Variants in SEZ6L observed in about 807,000 individuals in gnomAD.
SEZ6L encodes the protein seizure related 6 homolog like.
SEZ6L carries 37 observed loss-of-function variants against 106.2 expected under a neutral mutation model. That is an observed-to-expected ratio of 0.35 (90% CI 0.27 to 0.46). The LOEUF (loss-of-function observed/expected upper bound fraction) is 0.46, where lower values mean the gene tolerates loss of function less well. SEZ6L is among the 20% of genes least tolerant of loss of function. The pLI, the probability that SEZ6L is intolerant of heterozygous loss-of-function variation, is 1.00. For synonymous variants in SEZ6L, 541 were observed against 570.4 expected (o/e 0.95, Z 0.73); for missense variants, 1,172 against 1,332.8 (o/e 0.88, Z 1.88).
chr22:26,305,762 C>T (rs2081609154), intron 5 of SEZ6L, among the ~76,000 whole-genome samples: 1 of 152,234 alleles, frequency 6.6e-6, no homozygotes, highest in Non-Finnish European at 1.5e-5. Flanking sequence ...ACAGGATTCC[C>T]TCCCAGGAGA....
intron 1 of SEZ6L, among the ~76,000 whole-genome samples, chr22:26,281,464 T>C (rs1319698271): frequency 6.9e-6 from 1 of 144,244 alleles, no homozygotes; most frequent in African/African-American, 2.6e-5. Context: ...AAGCTCCGCC[T>C]CCCGGGTTCA....
intron 1 of SEZ6L, among the ~76,000 whole-genome samples, chr22:26,286,401 C>T (rs887066326): frequency 2.6e-5 from 4 of 152,180 alleles, no homozygotes; most frequent in African/African-American, 7.2e-5. Flanking sequence ...ACTTATTATA[C>T]GTATTTTGGA....
chr22:26,245,889 A>G (rs2079323491), intron 1 of SEZ6L, among the ~76,000 whole-genome samples: 1 of 152,190 alleles, frequency 6.6e-6, no homozygotes, highest in Non-Finnish European at 1.5e-5. Flanking sequence ...TGCTATTATT[A>G]TAACACCTAT....
intron 10 of SEZ6L, 31 bp downstream of exon 10, chr22:26,340,663 T>A (rs1356651239): frequency 1.0e-5 from 16 of 1,578,230 alleles, no homozygotes; most frequent in Non-Finnish European, 1.4e-5. Flanking sequence ...ATTTATTTTT[T>A]CTTTGTGTTT....
chr22:26,334,342 C>T (rs772745395), intron 9 of SEZ6L, among the ~76,000 whole-genome samples: 12 of 152,078 alleles, frequency 7.9e-5, no homozygotes, highest in Non-Finnish European at 1.6e-4. Flanking sequence ...TGTGGATTTC[C>T]CTATTCTGGA....
chr22:26,257,396 C>G (rs1207393), intron 1 of SEZ6L, among the ~76,000 whole-genome samples: 93,749 of 151,970 alleles, frequency 0.62, 29,812 homozygotes, highest in East Asian at 0.94. Context: ...AAACAAGCCG[C>G]AAAAATGAAA....
At chr22:26,254,826 G>A (rs914599259) in intron 1 of SEZ6L, among the ~76,000 whole-genome samples, 57 of 152,156 alleles carry the variant, frequency 3.7e-4, no homozygotes, top group Admixed American at 1.6e-3. Context: ...GCTCCAGCAA[G>A]CTAAGATAGT....
intron 1 of SEZ6L, among the ~76,000 whole-genome samples, chr22:26,261,443 T>G (rs2080002122): frequency 6.6e-6 from 1 of 152,238 alleles, no homozygotes; most frequent in African/African-American, 2.4e-5. Flanking sequence ...TTCATTCTCC[T>G]ACATGTGACT....
intron 1 of SEZ6L, among the ~76,000 whole-genome samples, chr22:26,261,496 C>T (rs995139865): frequency 1.2e-4 from 19 of 152,146 alleles, no homozygotes; most frequent in African/African-American, 4.3e-4. Flanking sequence ...GGTGTCCTTT[C>T]CCCACTTTAT....
chr22:26,310,428 CG>C (rs2081782742), intron 6 of SEZ6L, among the ~76,000 whole-genome samples: 1 of 152,102 alleles, frequency 6.6e-6, no homozygotes, highest in South Asian at 2.1e-4. Context: ...CTCAGCTACT[CG>C]GGAGGCTGAG....
At chr22:26,232,876 C>T (rs1569403833) in intron 1 of SEZ6L, among the ~76,000 whole-genome samples, 1 of 152,216 alleles carries the variant, frequency 6.6e-6, no homozygotes, top group Non-Finnish European at 1.5e-5. Context: ...AACACGGGGA[C>T]GATGTCAGAA....
At position 26,335,499 on chromosome 22, in the gene SEZ6L, A is replaced by G. The variant is rs528517669; in HGVS notation, c.2016-4937A>G. Among the ~76,000 whole-genome samples the G allele has an allele frequency of 2.0e-5, 3 of 152,220 alleles. No individual in the cohort carries two copies. The East Asian group carries it at 5.8e-4, about 29-fold the overall frequency. On this transcript the variant is annotated intron_variant, in intron 9 of 16. Transcript: ENST00000248933. ...TAACTTGGCTACACTGTTATGTTAT[A>G]GAATATATAGAATGCTGATTTTTTT...
chr22:26,377,776 G>A lies in SEZ6L; in HGVS notation c.3045+1G>A. 6.2e-7 allele frequency: 1 copy of A among 1,604,566 alleles called. No homozygotes were observed. Among genetic ancestry groups the A allele is most frequent in the Non-Finnish European group, 8.5e-7 (1 of 1,171,370 alleles). ...TGACAACCCCATTTACGAGACAGGG[G>A]TGAGTTGGTCTCTCTCGTCTCTTCC... On this transcript the variant is annotated splice_donor_variant, in intron 16 of 16. Transcript: ENST00000248933. LOFTEE classifies it high-confidence loss of function.
chr22:26,172,384 G>T (rs1266293157), intron 1 of SEZ6L, among the ~76,000 whole-genome samples: 1 of 152,152 alleles, frequency 6.6e-6, no homozygotes, highest in Non-Finnish European at 1.5e-5. Context: ...GCTCAGTTAG[G>T]TATTAAGAAA....
At chr22:26,335,513 G>A (rs1186991060) in intron 9 of SEZ6L, among the ~76,000 whole-genome samples, 2 of 151,736 alleles carry the variant, frequency 1.3e-5, no homozygotes, top group Non-Finnish European at 2.9e-5. Context: ...TATATAGAAT[G>A]CTGATTTTTT....
At chr22:26,328,292 C>T (rs1361125079) in intron 9 of SEZ6L, among the ~76,000 whole-genome samples, 1 of 152,170 alleles carries the variant, frequency 6.6e-6, no homozygotes, top group Admixed American at 6.5e-5. Context: ...AGCAGGGTGC[C>T]TAGTTCCTTA....
intron 1 of SEZ6L, among the ~76,000 whole-genome samples, chr22:26,230,834 G>A (rs1419062996): frequency 6.6e-6 from 1 of 152,232 alleles, no homozygotes; most frequent in Non-Finnish European, 1.5e-5. Context: ...GATATGTCTA[G>A]GGAACCAAAA....
chr22:26,259,929 G>A (rs1052270038), intron 1 of SEZ6L, among the ~76,000 whole-genome samples: 1 of 152,140 alleles, frequency 6.6e-6, no homozygotes, highest in African/African-American at 2.4e-5. Context: ...ATGAACATTT[G>A]ATTATGTTTC....
chr22:26,306,234 C>A lies in SEZ6L; in HGVS notation c.1514+90C>A, dbSNP rs1364156986. ...ACTTGGAGTCTTGAAATGGCTGAAG[C>A]TTTGACCCTCGGAATTCAAGAAAAG... On this transcript the variant is annotated intron_variant, in intron 6 of 16. Coordinates refer to ENST00000248933, the MANE Select transcript of SEZ6L (RefSeq NM_021115.5). 7.8e-6 allele frequency: 11 copies of A among 1,419,112 alleles called. No homozygotes were observed. The Admixed American group carries it at 1.6e-4, about 20-fold the overall frequency. 87.9% of individuals were successfully genotyped at this position (1,419,112 alleles called of 1,614,324 possible).
Sources: allele counts gnomAD v4.1 joint callset (sites outside exome capture counted in the v4.1 genomes callset), GRCh38; gene constraint gnomAD v4.1.1; transcripts MANE v1.5; gene names NCBI Gene and HGNC (gene_info 2026-07-23, HGNC 2026-07-21).